The following SGCZ variants were observed in gnomAD, a reference collection of about 807,000 sequenced individuals.
SGCZ encodes zeta-sarcoglycan.
In SGCZ, 40 loss-of-function variants were observed where a neutral mutation model predicts 41.3. The ratio of observed to expected loss-of-function variants is 0.97; its 90% confidence interval spans 0.75 to 1.26. The LOEUF (loss-of-function observed/expected upper bound fraction) is 1.26, where lower values mean the gene tolerates loss of function less well. SGCZ is among the 50% of genes most tolerant of loss of function. SGCZ has a pLI of 0.00. For missense variants in SGCZ, 552 were observed against 369.8 expected (o/e 1.49, Z -4.04); for synonymous variants, 206 against 137.5 (o/e 1.50, Z -3.49).
chr8:14,380,593 C>T (rs980175286), intron 2 of SGCZ, among the ~76,000 whole-genome samples: 3 of 152,096 alleles, frequency 2.0e-5, no homozygotes, highest in African/African-American at 7.2e-5. Context: ...GTGGCTCATG[C>T]CTGTAATCCC....
chr8:14,702,946 T>C lies in SGCZ; in HGVS notation c.40-148020A>G, dbSNP rs559970918. The stretch of plus-strand genomic sequence containing the variant: ...GTAGGTAGATAGATAGATAGATAGA[T>C]AGATAGATAGATAGATAGATAGATA... On this transcript the variant is annotated intron_variant, in intron 1 of 7. Coordinates refer to ENST00000382080, the MANE Select transcript of SGCZ (RefSeq NM_139167.4). Among the ~76,000 whole-genome samples the C allele has an allele frequency of 3.8e-5, 5 of 131,844 alleles. No homozygotes were observed. In the Admixed American group the frequency reaches 4.1e-4, roughly 11 times the overall value. The allele number at this position is 131,844 out of a possible 152,430, so 86.5% of individuals were successfully genotyped here.
intron 1 of SGCZ, among the ~76,000 whole-genome samples, chr8:15,030,798 A>C (rs899574049): frequency 3.3e-5 from 5 of 152,162 alleles, no homozygotes; most frequent in African/African-American, 9.7e-5. Flanking sequence ...GGATACTAAC[A>C]AAGAAATGAA....
At chr8:15,140,792 A>G (rs1278192745) in intron 1 of SGCZ, among the ~76,000 whole-genome samples, 1 of 152,132 alleles carries the variant, frequency 6.6e-6, no homozygotes, top group African/African-American at 2.4e-5. Context: ...TGCTCATTCC[A>G]TCCTTATTTC....
In SGCZ at chr8:15,143,037, C is replaced by A. The variant is rs4357292; in HGVS notation, c.39+94548G>T. ...GTCCTAGAGTATTTCATGACAATTT[C>A]TTTTCCTTTCCAAGGTACATTTGCA... On this transcript the variant is annotated intron_variant, in intron 1 of 7. Coordinates refer to ENST00000382080, the MANE Select transcript of SGCZ (RefSeq NM_139167.4). Among the ~76,000 whole-genome samples the A allele has an allele frequency of 8.6e-3, 1,309 of 152,306 alleles. 77 individuals carry two copies. The East Asian group carries it at 0.15, about 17-fold the overall frequency.
At chr8:14,296,369 G>C (rs1405889221) in intron 3 of SGCZ, among the ~76,000 whole-genome samples, 3 of 152,136 alleles carry the variant, frequency 2.0e-5, no homozygotes, top group Non-Finnish European at 2.9e-5. Context: ...AAATACTGAG[G>C]AAAGTTCTTT....
chr8:14,177,007 G>A (rs911638835), intron 4 of SGCZ, among the ~76,000 whole-genome samples: 1 of 152,076 alleles, frequency 6.6e-6, no homozygotes, highest in African/African-American at 2.4e-5. Flanking sequence ...AGCAGGACAC[G>A]TTACATCACC....
At chr8:14,276,723 A>T (rs1476862293) in intron 3 of SGCZ, among the ~76,000 whole-genome samples, 4 of 152,122 alleles carry the variant, frequency 2.6e-5, no homozygotes, top group African/African-American at 9.7e-5. Context: ...AAATTTGATG[A>T]TTTAATTCTA....
intron 4 of SGCZ, among the ~76,000 whole-genome samples, chr8:14,177,220 T>G (rs1336630049): frequency 6.6e-6 from 1 of 152,058 alleles, no homozygotes; most frequent in East Asian, 1.9e-4. Context: ...GGGCACCTAT[T>G]GCAAAAAGCT....
chr8:14,520,322 G>A (rs1802751114), intron 2 of SGCZ, among the ~76,000 whole-genome samples: 1 of 152,086 alleles, frequency 6.6e-6, no homozygotes, highest in African/African-American at 2.4e-5. Flanking sequence ...TTTTGTTCCT[G>A]GAAGCAGCTA....
At chr8:14,960,132 T>C (rs10503523) in intron 1 of SGCZ, among the ~76,000 whole-genome samples, 11,566 of 152,208 alleles carry the variant, frequency 0.076, 532 homozygotes, top group African/African-American at 0.11. Flanking sequence ...TTTCCATAAA[T>C]TGTTTTCAGG....
intron 1 of SGCZ, among the ~76,000 whole-genome samples, chr8:14,801,312 T>G (rs1012771149): frequency 6.6e-6 from 1 of 152,204 alleles, no homozygotes; most frequent in African/African-American, 2.4e-5. Flanking sequence ...TATTTGAATA[T>G]GTAATCTCAT....
At chr8:14,932,189 C>T (rs1330479461) in intron 1 of SGCZ, among the ~76,000 whole-genome samples, 1 of 151,728 alleles carries the variant, frequency 6.6e-6, no homozygotes, top group African/African-American at 2.4e-5. Flanking sequence ...ATCATTCCTG[C>T]CCCTAATAAA....
In SGCZ at chr8:14,089,451, T is replaced by C. The variant is rs1271345020; in HGVS notation, c.*992A>G. On this transcript the variant is annotated 3_prime_UTR_variant, in exon 8 of 8. Coordinates refer to ENST00000382080, the MANE Select transcript of SGCZ (RefSeq NM_139167.4). Reference sequence around the variant, plus strand: ...GAAAGAGAATTTATTCTCAGCATTATGCATCATATTAGTATTATTTATTTA... The same window carrying C: ...GAAAGAGAATTTATTCTCAGCATTACGCATCATATTAGTATTATTTATTTA... 6.6e-6 allele frequency among the ~76,000 whole-genome samples: 1 copy of C among 152,032 alleles called. No individual in the cohort carries two copies. Among genetic ancestry groups the C allele is most frequent in the East Asian group, 1.9e-4 (1 of 5,172 alleles).
chr8:14,680,118 C>A (rs528310280), intron 1 of SGCZ, among the ~76,000 whole-genome samples: 1 of 152,116 alleles, frequency 6.6e-6, no homozygotes, highest in African/African-American at 2.4e-5. Flanking sequence ...TGAAGTCATG[C>A]ATGACTATAT....
intron 4 of SGCZ, among the ~76,000 whole-genome samples, chr8:14,171,090 T>C (rs559123882): frequency 6.6e-6 from 1 of 151,728 alleles, no homozygotes; most frequent in Admixed American, 6.6e-5. Context: ...CTTGAAAATA[T>C]TTTACTAAAA....
intron 5 of SGCZ, among the ~76,000 whole-genome samples, chr8:14,110,258 A>AAGAT (rs1461738459): frequency 6.6e-6 from 1 of 152,176 alleles, no homozygotes; most frequent in African/African-American, 2.4e-5. Flanking sequence ...CATCCCAGAA[A>AAGAT]AGATAGTGAA....
intron 1 of SGCZ, among the ~76,000 whole-genome samples, chr8:14,986,280 A>C (rs1039965808): frequency 5.3e-5 from 8 of 152,132 alleles, no homozygotes; most frequent in Non-Finnish European, 7.4e-5. Context: ...GAAAACTCTT[A>C]ATATAGCAAA....
chr8:15,191,426 C>A (rs1421976317), intron 1 of SGCZ, among the ~76,000 whole-genome samples: 1 of 151,976 alleles, frequency 6.6e-6, no homozygotes, highest in Non-Finnish European at 1.5e-5. Flanking sequence ...GGGATTTATA[C>A]TGAACTATAA....
At chr8:14,555,346 T>A (rs1417062696) in intron 1 of SGCZ, among the ~76,000 whole-genome samples, 1 of 151,954 alleles carries the variant, frequency 6.6e-6, no homozygotes. Context: ...TGGCGAAAGG[T>A]GATGAGATCA....
Sources: gnomAD v4.1 joint callset for allele counts (sites outside exome capture counted in the v4.1 genomes callset) on GRCh38, gnomAD v4.1.1 for gene constraint, MANE v1.5 for transcripts, NCBI Gene and HGNC (gene_info 2026-07-23, HGNC 2026-07-21) for gene names.